Variants in GPATCH2 observed in about 807,000 individuals in gnomAD.
GPATCH2 encodes G patch domain-containing protein 2.
A neutral mutation model predicts 58.0 loss-of-function variants in GPATCH2; 51 were observed. The ratio of observed to expected loss-of-function variants is 0.88; its 90% CI spans 0.70 to 1.11. GPATCH2 has a LOEUF of 1.11. GPATCH2 is among the 50% of genes most tolerant of loss of function. The pLI is 0.00. For synonymous variants in GPATCH2, 222 were observed against 218.5 expected (o/e 1.02, Z -0.14); for missense variants, 625 against 652.2 (o/e 0.96, Z 0.45).
chr1:217,620,266 T>C lies in GPATCH2; in HGVS notation c.290A>G (p.Glu97Gly). Residue 97 changes from glutamate to glycine, a missense_variant, in exon 2 of 10, where the codon GAA becomes GGA. Physicochemically the swap from Glu to Gly is moderately conservative, Grantham distance 98 (BLOSUM62 -2). Coordinates refer to ENST00000366935, the MANE Select transcript of GPATCH2 (RefSeq NM_018040.5). ...CTCTCTATAGTCCTTGCTTGGTTCT[T>C]CTAAACTAGAATCAGAGCCTTCACT... Reference protein sequence around the residue: ...CLSEGSDSSLEEPSKDYRENH... With the variant: ...CLSEGSDSSLGEPSKDYRENH... 1 of 1,613,994 alleles carries C rather than the reference T, an allele frequency of 6.2e-7. No homozygotes were observed. Among genetic ancestry groups the C allele is most frequent in the Non-Finnish European group, 8.5e-7 (1 of 1,179,862 alleles).
intron 5 of GPATCH2, among the ~76,000 whole-genome samples, chr1:217,569,832 G>GAGCCCAAA (rs1441060166): frequency 6.6e-6 from 1 of 152,144 alleles, no homozygotes; most frequent in Non-Finnish European, 1.5e-5. Context: ...AAGAGCCCAA[G>GAGCCCAAA]AGCCCAAAAT....
At chr1:217,514,250 C>T (rs1663011302) in intron 6 of GPATCH2, among the ~76,000 whole-genome samples, 1 of 152,082 alleles carries the variant, frequency 6.6e-6, no homozygotes, top group African/African-American at 2.4e-5. Flanking sequence ...ACCTCCACCT[C>T]CTGGGTTCAA....
At chr1:217,618,968 A>T (rs115766895) in intron 2 of GPATCH2, among the ~76,000 whole-genome samples, 2,758 of 152,034 alleles carry the variant, frequency 0.018, 90 homozygotes, top group African/African-American at 0.063. Flanking sequence ...ATCTCGAAAA[A>T]AAAAAAAAGA....
chr1:217,517,749 T>A (rs1035939091), intron 5 of GPATCH2, among the ~76,000 whole-genome samples: 1 of 152,126 alleles, frequency 6.6e-6, no homozygotes, highest in African/African-American at 2.4e-5. Flanking sequence ...ACATGCTAAT[T>A]TTAGTGATTT....
chr1:217,542,386 C>G (rs1664791864), intron 5 of GPATCH2, among the ~76,000 whole-genome samples: 1 of 152,174 alleles, frequency 6.6e-6, no homozygotes, highest in Admixed American at 6.5e-5. Flanking sequence ...ATAGTTGGCT[C>G]AGGGATGTGG....
In GPATCH2 at chr1:217,610,724, T is replaced by C. The variant is rs553607687; in HGVS notation, c.1018+165A>G. On this transcript the variant is annotated intron_variant, in intron 4 of 9. Coordinates refer to ENST00000366935, the MANE Select transcript of GPATCH2 (RefSeq NM_018040.5). ...AAAGCAAGTCAATTTTTCTAATAAT[T>C]TGAAAGCATGATAAATGTAGTAGCT... 9.8e-5 allele frequency among the ~76,000 whole-genome samples: 15 copies of C among 152,302 alleles called. No homozygotes were observed. The South Asian group carries it at 3.1e-3, about 32-fold the overall frequency.
intron 3 of GPATCH2, among the ~76,000 whole-genome samples, chr1:217,611,359 T>A (rs1668620988): frequency 6.7e-6 from 1 of 149,198 alleles, no homozygotes. Flanking sequence ...ATACAATCTA[T>A]AAGGAAAACT....
At chr1:217,578,785 T>A (rs1158521496) in intron 5 of GPATCH2, among the ~76,000 whole-genome samples, 1 of 152,238 alleles carries the variant, frequency 6.6e-6, no homozygotes, top group Non-Finnish European at 1.5e-5. Flanking sequence ...GATATATTGA[T>A]GCCAGTCTAA....
chr1:217,481,496 TAA>T (rs972719121), intron 8 of GPATCH2, among the ~76,000 whole-genome samples: 13 of 152,328 alleles, frequency 8.5e-5, no homozygotes, highest in African/African-American at 3.1e-4. Context: ...TATTTTGTTA[TAA>T]GTTTATAGAA....
chr1:217,595,305 T>G (rs1171898488), intron 5 of GPATCH2, among the ~76,000 whole-genome samples: 1 of 152,166 alleles, frequency 6.6e-6, no homozygotes, highest in Non-Finnish European at 1.5e-5. Context: ...AAAGGGGAAC[T>G]CAATCAAATT....
At chr1:217,458,838 C>T (rs776446751) in intron 8 of GPATCH2, among the ~76,000 whole-genome samples, 1 of 152,088 alleles carries the variant, frequency 6.6e-6, no homozygotes, top group Non-Finnish European at 1.5e-5. Context: ...AAGTGTTTTT[C>T]TCCGTATTTC....
chr1:217,630,828 C>T, intron 1 of GPATCH2, 88 bp downstream of exon 1: 1 of 944,186 alleles, frequency 1.1e-6, no homozygotes, highest in Non-Finnish European at 1.6e-6. Flanking sequence ...TCACAGCTCC[C>T]TCCCGCCTCC....
intron 5 of GPATCH2, among the ~76,000 whole-genome samples, chr1:217,520,022 G>A (rs905852621): frequency 1.1e-4 from 16 of 151,890 alleles, no homozygotes; most frequent in Non-Finnish European, 5.9e-5. Flanking sequence ...TATAATTCAC[G>A]TAATAATTCA....
intron 9 of GPATCH2, among the ~76,000 whole-genome samples, chr1:217,447,029 C>T (rs886738631): frequency 4.6e-5 from 7 of 152,058 alleles, no homozygotes; most frequent in South Asian, 4.1e-4. Flanking sequence ...CTGTTTCTGC[C>T]GCTAATGGTT....
At chr1:217,483,662 A>G (rs1269610292) in intron 8 of GPATCH2, among the ~76,000 whole-genome samples, 1 of 152,168 alleles carries the variant, frequency 6.6e-6, no homozygotes, top group Non-Finnish European at 1.5e-5. Context: ...TCATTTTGTT[A>G]TTTTAGCTAT....
chr1:217,573,067 A>G (rs1388970826), intron 5 of GPATCH2, among the ~76,000 whole-genome samples: 1 of 152,234 alleles, frequency 6.6e-6, no homozygotes, highest in Non-Finnish European at 1.5e-5. Flanking sequence ...CATCTACAAT[A>G]TGCTTTTTAA....
chr1:217,576,027 T>C (rs953370792), intron 5 of GPATCH2, among the ~76,000 whole-genome samples: 25 of 152,096 alleles, frequency 1.6e-4, no homozygotes, highest in Non-Finnish European at 3.1e-4. Context: ...ATCAAGGTTA[T>C]GAACAAAGAA....
chr1:217,471,720 T>C (rs1321294008), intron 8 of GPATCH2, among the ~76,000 whole-genome samples: 1 of 152,186 alleles, frequency 6.6e-6, no homozygotes, highest in Non-Finnish European at 1.5e-5. Flanking sequence ...ACTTTTTTTT[T>C]CATTTTAGAA....
intron 5 of GPATCH2, among the ~76,000 whole-genome samples, chr1:217,564,968 T>C (rs183656813): frequency 4.7e-5 from 7 of 147,760 alleles, no homozygotes; most frequent in African/African-American, 1.9e-4. Flanking sequence ...CTAGACATCA[T>C]TGAGGAGAGT....
Sources: gnomAD v4.1 joint callset for allele counts (sites outside exome capture counted in the v4.1 genomes callset) on GRCh38, gnomAD v4.1.1 for gene constraint, MANE v1.5 for transcripts, NCBI Gene and HGNC (gene_info 2026-07-23, HGNC 2026-07-21) for gene names.